The following KCTD1 variants were observed in gnomAD, a reference collection of about 807,000 sequenced individuals.
KCTD1 encodes the protein BTB/POZ domain-containing protein KCTD1.
In KCTD1, 24 loss-of-function variants were observed where a neutral mutation model predicts 66.0. The observed-to-expected ratio is 0.36, with a 90% confidence interval of 0.26 to 0.51. The LOEUF is 0.51. Ranked by LOEUF, KCTD1 falls within the 20% of genes least tolerant of loss-of-function variation. KCTD1 has a pLI of 0.95. For synonymous variants in KCTD1, 511 were observed against 517.2 expected (o/e 0.99, Z 0.16); for missense variants, 943 against 1,205.2 (o/e 0.78, Z 3.22).
At chr18:26,600,037 C>G in intron 1 of KCTD1, 3 of 1,611,434 alleles carry the variant, frequency 1.9e-6, no homozygotes, top group Non-Finnish European at 2.5e-6. Context: ...CAGCATGGAT[C>G]TCATTGACTC....
chr18:26,624,116 T>A (rs547116126), intron 1 of KCTD1, among the ~76,000 whole-genome samples: 5 of 152,282 alleles, frequency 3.3e-5, no homozygotes, highest in South Asian at 2.1e-4. Flanking sequence ...ATTTAGGGTA[T>A]CTGGTGGAAG....
At chr18:26,484,247 GAAGT>G (rs1455339974) in intron 2 of KCTD1, among the ~76,000 whole-genome samples, 1 of 152,168 alleles carries the variant, frequency 6.6e-6, no homozygotes, top group African/African-American at 2.4e-5. Context: ...GAAATGGATA[GAAGT>G]AATTTAAGAG....
intron 1 of KCTD1, among the ~76,000 whole-genome samples, chr18:26,525,491 C>T (rs1428949981): frequency 1.3e-5 from 2 of 152,162 alleles, no homozygotes; most frequent in African/African-American, 2.4e-5. Context: ...CCAAGTCAAA[C>T]TGAACTAACT....
chr18:26,548,403 T>TGGC lies in KCTD1; in HGVS notation c.131_133dup (p.Arg44dup), dbSNP rs753106622. On this transcript the variant is annotated inframe_insertion, in exon 1 of 5. Transcript: ENST00000580059. The stretch of plus-strand genomic sequence containing the variant: ...CGCGCTGCAGTAGTGCGGACGGCTG[T>TGGC]GGCGGCGGCCGCGGCCCCCCGCGCC... 24 of 1,434,384 alleles carry TGGC rather than the reference T, an allele frequency of 1.7e-5. No homozygotes were observed. The highest frequency in any genetic ancestry group is 2.5e-4 in the Middle Eastern group (1 of 4,032). The allele number at this position is 1,434,384 out of a possible 1,614,324, so 88.9% of individuals were successfully genotyped here.
At chr18:26,633,846 C>T (rs1987669887), upstream of KCTD1, among the ~76,000 whole-genome samples, 1 of 152,154 alleles carries the variant, frequency 6.6e-6, no homozygotes, top group Non-Finnish European at 1.5e-5. Context: ...AAGACAACTA[C>T]AACAATATTA....
chr18:26,606,844 C>A (rs956691787), intron 1 of KCTD1, among the ~76,000 whole-genome samples: 4 of 152,226 alleles, frequency 2.6e-5, no homozygotes, highest in Admixed American at 1.3e-4. Context: ...CTGTGGGAGA[C>A]AGTATTCACT....
intron 1 of KCTD1, among the ~76,000 whole-genome samples, chr18:26,647,536 A>AAAAAAAAAAAAAAAAAAAG (rs1987953091): frequency 7.2e-6 from 1 of 139,310 alleles, no homozygotes; most frequent in Non-Finnish European, 1.5e-5. Flanking sequence ...AAAAAAAAAA[A>AAAAAAAAAAAAAAAAAAAG]AAAAAAAAAA....
At chr18:26,478,477 A>T (rs1981461407) in intron 2 of KCTD1, among the ~76,000 whole-genome samples, 1 of 152,214 alleles carries the variant, frequency 6.6e-6, no homozygotes, top group South Asian at 2.1e-4. Flanking sequence ...TTTACAATGA[A>T]ATCCAAGCAC....
upstream of KCTD1, chr18:26,549,311 C>G: frequency 4.1e-6 from 4 of 985,374 alleles, no homozygotes; most frequent in Non-Finnish European, 4.8e-6. Context: ...CCGACTCTTG[C>G]AAAGGAGCGA....
chr18:26,657,057 C>T, intron 1 of KCTD1, among the ~76,000 whole-genome samples: 1 of 151,506 alleles, frequency 6.6e-6, no homozygotes, highest in Non-Finnish European at 1.5e-5. Context: ...ACCCGGCCCC[C>T]GGCCGCGGCC....
At chr18:26,643,710 C>A (rs577422031), upstream of KCTD1, among the ~76,000 whole-genome samples, 266 of 152,286 alleles carry the variant, frequency 1.7e-3, no homozygotes, top group Non-Finnish European at 2.9e-3. Context: ...CGCCTGTAAT[C>A]CCAGCACTTT....
At chr18:26,558,884 C>T (rs1985774732) in intron 1 of KCTD1, among the ~76,000 whole-genome samples, 2 of 151,880 alleles carry the variant, frequency 1.3e-5, no homozygotes, top group Admixed American at 1.3e-4. Flanking sequence ...GATTGCACCA[C>T]TGCACTCCAG....
chr18:26,593,372 GGAAGAGGAGGAGGAA>G (rs1370528496), intron 1 of KCTD1, among the ~76,000 whole-genome samples: 2 of 32,432 alleles, frequency 6.2e-5, no homozygotes, highest in South Asian at 2.0e-3. Context: ...AGGAGGAGGA[GGAAGAGGAGGAGGAA>G]GAAGAGGAGG....
At chr18:26,571,406 A>C (rs1165696579) in intron 1 of KCTD1, among the ~76,000 whole-genome samples, 1 of 152,154 alleles carries the variant, frequency 6.6e-6, no homozygotes, top group Non-Finnish European at 1.5e-5. Context: ...TCAGTATCTG[A>C]GGGGCACTGG....
intron 1 of KCTD1, among the ~76,000 whole-genome samples, chr18:26,524,959 T>C (rs1259948804): frequency 6.6e-6 from 1 of 152,208 alleles, no homozygotes; most frequent in Non-Finnish European, 1.5e-5. Flanking sequence ...TTATATGTAC[T>C]GCCTGGATGA....
At chr18:26,608,949 G>T (rs1384054811) in intron 1 of KCTD1, among the ~76,000 whole-genome samples, 1 of 152,136 alleles carries the variant, frequency 6.6e-6, no homozygotes, top group Admixed American at 6.5e-5. Flanking sequence ...ATTAGTTATA[G>T]TTCATCGCAT....
intron 2 of KCTD1, among the ~76,000 whole-genome samples, chr18:26,483,764 T>C (rs922877994): frequency 6.6e-6 from 1 of 152,006 alleles, no homozygotes; most frequent in African/African-American, 2.4e-5. Context: ...TGTGTGTGTG[T>C]GTGCACACAT....
intron 1 of KCTD1, among the ~76,000 whole-genome samples, chr18:26,567,995 T>A (rs1986021987): frequency 6.6e-6 from 1 of 152,218 alleles, no homozygotes; most frequent in South Asian, 2.1e-4. Flanking sequence ...TCATGTTTTG[T>A]AAACATTTGT....
chr18:26,625,405 G>A (rs1225660662), intron 1 of KCTD1, among the ~76,000 whole-genome samples: 1 of 152,124 alleles, frequency 6.6e-6, no homozygotes, highest in East Asian at 1.9e-4. Context: ...AATCATAGGG[G>A]TGGTTACCTC....
Sources: allele counts gnomAD v4.1 joint callset (sites outside exome capture counted in the v4.1 genomes callset), GRCh38; gene constraint gnomAD v4.1.1; transcripts MANE v1.5; gene names NCBI Gene and HGNC (gene_info 2026-07-23, HGNC 2026-07-21).